The following NOC3L variants were observed in gnomAD, a reference collection of about 807,000 sequenced individuals.
NOC3L encodes NOC3 like DNA replication regulator, also known as nucleolar complex protein 3 homolog.
In NOC3L, 85 loss-of-function variants were observed where a neutral mutation model predicts 102.5. The ratio of observed to expected loss-of-function variants is 0.83; its 90% CI spans 0.70 to 0.99. The LOEUF (loss-of-function observed/expected upper bound fraction) is 0.99, where lower values mean the gene tolerates loss of function less well. NOC3L is among the 50% of genes least tolerant of loss of function. NOC3L has a pLI of 0.00. For synonymous variants in NOC3L, 303 were observed against 309.4 expected, an observed-to-expected ratio of 0.98 and a Z score of 0.22; for missense variants, 878 against 914.9, an observed-to-expected ratio of 0.96 and a Z score of 0.52.
chr10:94,350,227 C>T lies in NOC3L; in HGVS notation c.1014G>A (p.Leu338=), dbSNP rs773602972. The change falls in exon 9 of 21, where the codon CTG becomes CTA. Residue 338 remains leucine (L), a synonymous_variant. Transcript: ENST00000371361. ...NVVSLKAYKG[L]AEVAVKSLCE... ...ACAAGCTCTTCACAGCGACTTCTGC[C>T]AGTCCTTTGTATGCCTTTAAGGAAA... 1.2e-6 allele frequency: 2 copies of T among 1,614,182 alleles called. No individual in the cohort carries two copies. Among genetic ancestry groups the T allele is most frequent in the Non-Finnish European group, 1.7e-6 (2 of 1,180,014 alleles).
At chr10:94,349,123 G>T in intron 10 of NOC3L, 127 bp downstream of exon 10, 2 of 1,003,870 alleles carry the variant, frequency 2.0e-6, no homozygotes, top group Non-Finnish European at 2.8e-6. Flanking sequence ...GAGTTGACAT[G>T]TTAAACACTT....
chr10:94,336,609 A>G (rs1054074141), intron 19 of NOC3L, among the ~76,000 whole-genome samples: 1 of 151,518 alleles, frequency 6.6e-6, no homozygotes, highest in Admixed American at 6.6e-5. Flanking sequence ...CGGCCTCCCA[A>G]AGTGCTGGGA....
In NOC3L at chr10:94,362,911, GAC is replaced by G; in HGVS notation, c.-75_-74del. On this transcript the variant is annotated 5_prime_UTR_variant, in exon 1 of 21. Coordinates refer to ENST00000371361, the MANE Select transcript of NOC3L (RefSeq NM_022451.11). ...GGTTACTACAGAAATCCCGGGGAATGACACACGTGCCGAAGTCCCTACACTAC... is the reference window on the plus strand; with the variant it reads ...GGTTACTACAGAAATCCCGGGGAATGACACGTGCCGAAGTCCCTACACTAC... 1 of 1,612,508 alleles carries G rather than the reference GAC, an allele frequency of 6.2e-7. No individual in the cohort carries two copies. Among genetic ancestry groups the G allele is most frequent in the East Asian group, 2.2e-5 (1 of 44,848 alleles).
chr10:94,337,156 T>A (rs755490669), intron 19 of NOC3L, among the ~76,000 whole-genome samples: 49 of 152,056 alleles, frequency 3.2e-4, no homozygotes, highest in Non-Finnish European at 6.0e-4. Flanking sequence ...AAAAGAAGAC[T>A]CTTTTAGGAG....
chr10:94,351,541 C>T lies in NOC3L; in HGVS notation c.952+769G>A, dbSNP rs915154504. ...TATCCTTCTATTTATTTATTCATTTCTTTTGAGACAGGGTCTCACTCTATC... is the reference window on the plus strand; with the variant it reads ...TATCCTTCTATTTATTTATTCATTTTTTTTGAGACAGGGTCTCACTCTATC... On this transcript the variant is annotated intron_variant, in intron 8 of 20. Coordinates refer to ENST00000371361, the MANE Select transcript of NOC3L (RefSeq NM_022451.11). 1.9e-4 allele frequency among the ~76,000 whole-genome samples: 29 copies of T among 152,180 alleles called. 1 individual carries two copies. Among genetic ancestry groups the T allele is most frequent in the Admixed American group, 1.8e-3 (27 of 15,274 alleles).
In NOC3L at chr10:94,349,474, T is replaced by C. The variant is rs938164327; in HGVS notation, c.1129-96A>G. ...ATTCTTTGTTGTAGGGGGACTGTCC[T>C]AGGATGTTTAAAAGCCTCCATGGAC... is the stretch of plus-strand genomic sequence containing the variant. On this transcript the variant is annotated intron_variant, in intron 9 of 20. Coordinates refer to ENST00000371361, the MANE Select transcript of NOC3L (RefSeq NM_022451.11). 2.6e-5 allele frequency: 29 copies of C among 1,095,008 alleles called. No individual in the cohort carries two copies. The African/African-American group carries it at 4.5e-4, about 17-fold the overall frequency. 67.8% of individuals were successfully genotyped at this position (1,095,008 alleles called of 1,614,324 possible).
At chr10:94,357,519 C>T (rs1240605314) in intron 3 of NOC3L, 188 bp from the exon 4 acceptor site, 6 of 400,698 alleles carry the variant, frequency 1.5e-5, no homozygotes, top group Non-Finnish European at 2.2e-5. Flanking sequence ...AATGGGTAAA[C>T]AACCTACCAT....
intron 8 of NOC3L, among the ~76,000 whole-genome samples, chr10:94,352,029 T>C (rs1174737444): frequency 6.6e-6 from 1 of 152,316 alleles, no homozygotes. Context: ...AAGCACCTCA[T>C]ATCTACAAAC....
At chr10:94,321,805 C>T in the NOC3L span, 1 of 869,752 alleles carries the variant, frequency 1.1e-6, no homozygotes, top group Non-Finnish European at 1.9e-6. Flanking sequence ...GAAGTTTCTA[C>T]ATCACCAAGA....
At position 94,339,844 on chromosome 10, in the gene NOC3L, A is replaced by G; in HGVS notation, c.1857T>C (p.Ser619=). ...TGATGAAGGCAAGAGCTCGCTGCTG[A>G]GAAACTTGCTTTCTGCGCTTAGTTA... ...VMLTKRRKQV[S]QQRALAFIKR... is the part of the protein sequence containing the mutation. The change falls in exon 17 of 21, where the codon TCT becomes TCC. Residue 619 remains serine (S), a synonymous_variant. Transcript: ENST00000371361. The G allele has an allele frequency of 6.2e-7, 1 of 1,614,222 alleles. No individual in the cohort carries two copies. Among genetic ancestry groups the G allele is most frequent in the Non-Finnish European group, 8.5e-7 (1 of 1,180,024 alleles).
intron 18 of NOC3L, 125 bp from the exon 19 acceptor site, chr10:94,337,999 A>C: frequency 2.0e-6 from 1 of 501,158 alleles, no homozygotes; most frequent in South Asian, 4.0e-5. Context: ...TGTACAGTAT[A>C]TGTAATTCAT....
chr10:94,342,054 T>A (rs530477394), intron 13 of NOC3L, among the ~76,000 whole-genome samples: 3 of 152,314 alleles, frequency 2.0e-5, no homozygotes, highest in African/African-American at 7.2e-5. Context: ...TTAGGAGGTA[T>A]CCGGCAGGAT....
At chr10:94,362,779 T>C (rs755085304) in intron 1 of NOC3L, 51 bp downstream of exon 1, 51 of 1,607,530 alleles carry the variant, frequency 3.2e-5, no homozygotes, top group Non-Finnish European at 4.2e-5. Context: ...AGTGACTCTA[T>C]CACCCGAAGG....
In NOC3L at chr10:94,355,080, A is replaced by G. The variant is rs778145384; in HGVS notation, c.579T>C (p.Asp193=). The G allele has an allele frequency of 3.1e-6, 5 of 1,610,704 alleles. No homozygotes were observed. Among genetic ancestry groups the G allele is most frequent in the Non-Finnish European group, 4.2e-6 (5 of 1,178,262 alleles). The part of the protein sequence containing the change: ...ERELEEEIIE[D]PIQELTIEEH... ...CTTCTATGGTCAGCTCTTGAATAGG[A>G]TCTTCAATGATCTCTAAAACAGATT... is the stretch of plus-strand genomic sequence containing the variant. The change falls in exon 6 of 21, where the codon GAT becomes GAC. Residue 193 remains aspartate (D), a synonymous_variant. Transcript: ENST00000371361.
the NOC3L span, among the ~76,000 whole-genome samples, chr10:94,325,949 A>G: frequency 6.6e-6 from 1 of 152,252 alleles, no homozygotes; most frequent in Non-Finnish European, 1.5e-5. Context: ...GCAAAATAAC[A>G]TAACAGCCTC....
intron 6 of NOC3L, among the ~76,000 whole-genome samples, chr10:94,353,780 C>T (rs976305039): frequency 2.0e-4 from 30 of 152,164 alleles, no homozygotes; most frequent in Non-Finnish European, 3.8e-4. Context: ...CTTCTAAAAA[C>T]GCTTTTCAAA....
chr10:94,329,628 A>C (rs1376561650), downstream of NOC3L: 1 of 152,126 alleles, frequency 6.6e-6, no homozygotes, highest in Non-Finnish European at 1.5e-5. Flanking sequence ...AAGTACAAAA[A>C]TTAGCTGAGC....
rs1170755229 is a variant in NOC3L, at chr10:94,343,084, C to CAAA, written c.1571+1328_1571+1330dup. 9.4e-3 allele frequency among the ~76,000 whole-genome samples: 890 copies of CAAA among 94,342 alleles called. 7 individuals are homozygous for CAAA. Among genetic ancestry groups the CAAA allele is most frequent in the African/African-American group, 0.034 (835 of 24,832 alleles). 61.9% of individuals were successfully genotyped at this position (94,342 alleles called of 152,430 possible). A position where few individuals can be genotyped will look rare whatever the true frequency, so the allele number is the denominator to read the frequency against. On this transcript the variant is annotated intron_variant, in intron 13 of 20. Transcript: ENST00000371361. ...GAGCAACAGAGCAAGACAGTGTCTCCAAAAAAAAAAAAAAAGGTGGCAGAT... is the reference window on the plus strand; with the variant it reads ...GAGCAACAGAGCAAGACAGTGTCTCCAAAAAAAAAAAAAAAAAAGGTGGCAGAT...
In NOC3L at chr10:94,344,519, G is replaced by A; in HGVS notation, c.1471-4C>T. On this transcript the variant is annotated splice_region_variant and splice_polypyrimidine_tract_variant and intron_variant, in intron 12 of 20. Coordinates refer to ENST00000371361, the MANE Select transcript of NOC3L (RefSeq NM_022451.11). ...CAATATTCAGAGTCTCTGTGTGCTG[G>A]CAGAGGAGACAGACAAAATGACTTT... The A allele has an allele frequency of 5.6e-6, 9 of 1,597,868 alleles. No individual in the cohort carries two copies. The highest frequency in any genetic ancestry group is 6.9e-6 in the Non-Finnish European group (8 of 1,166,226).
Sources: gnomAD v4.1 joint callset for allele counts (sites outside exome capture counted in the v4.1 genomes callset) on GRCh38, gnomAD v4.1.1 for gene constraint, MANE v1.5 for transcripts, NCBI Gene and HGNC (gene_info 2026-07-23, HGNC 2026-07-21) for gene names.